Variants in PRELID2 observed in about 807,000 individuals in gnomAD.
PRELID2 encodes PRELI domain-containing protein 2.
A neutral mutation model predicts 28.4 loss-of-function variants in PRELID2; 25 were observed. The ratio of observed to expected loss-of-function variants is 0.88; its 90% CI spans 0.64 to 1.23. PRELID2 has a LOEUF of 1.23. PRELID2 is among the 50% of genes most tolerant of loss of function. The pLI, the probability that PRELID2 is intolerant of heterozygous loss-of-function variation, is 0.00. For synonymous variants in PRELID2, 76 were observed against 71.6 expected, an observed-to-expected ratio of 1.06 and a Z score of -0.31; for missense variants, 201 against 214.4, an observed-to-expected ratio of 0.94 and a Z score of 0.39.
At chr5:145,742,017 AG>A (rs1299958092) in intron 1 of PRELID2, among the ~76,000 whole-genome samples, 9 of 125,608 alleles carry the variant, frequency 7.2e-5, no homozygotes, top group East Asian at 2.3e-4. Flanking sequence ...ATTTATTATA[AG>A]TAAATAAATT....
At chr5:145,506,902 GCTCT>G (rs1383667577) in intron 1 of PRELID2, among the ~76,000 whole-genome samples, 3 of 152,066 alleles carry the variant, frequency 2.0e-5, no homozygotes, top group East Asian at 1.9e-4. Context: ...ACCCTCAATG[GCTCT>G]CTAATTCATT....
intron 1 of PRELID2, among the ~76,000 whole-genome samples, chr5:145,482,204 C>G (rs1752168194): frequency 6.6e-6 from 1 of 152,126 alleles, no homozygotes; most frequent in Non-Finnish European, 1.5e-5. Flanking sequence ...ATTTTGTGAG[C>G]CAGCAGGGAA....
At chr5:145,483,654 G>A (rs1346239460) in intron 1 of PRELID2, among the ~76,000 whole-genome samples, 2 of 152,086 alleles carry the variant, frequency 1.3e-5, no homozygotes, top group African/African-American at 2.4e-5. Context: ...ATAGAGCCAG[G>A]AACTAAATCA....
At chr5:145,800,396 T>C (rs2149824963) in intron 4 of PRELID2, among the ~76,000 whole-genome samples, 2 of 151,982 alleles carry the variant, frequency 1.3e-5, no homozygotes, top group East Asian at 3.9e-4. Context: ...ACCCCTTAGA[T>C]TTAAGCCTAT....
intron 1 of PRELID2, among the ~76,000 whole-genome samples, chr5:145,675,749 G>T (rs904149746): frequency 6.6e-6 from 1 of 152,130 alleles, no homozygotes; most frequent in Non-Finnish European, 1.5e-5. Context: ...AAAAAAATGT[G>T]ACAAATATGT....
intron 1 of PRELID2, among the ~76,000 whole-genome samples, chr5:145,533,533 T>C (rs1004091818): frequency 2.6e-5 from 4 of 152,076 alleles, no homozygotes; most frequent in Non-Finnish European, 4.4e-5. Context: ...CTTTGCTCAA[T>C]GTTTTGTGTG....
rs70998029 is a variant in PRELID2, at chr5:145,740,265, A to AAT, written n.70+24664_70+24665dup. On this transcript the variant is annotated intron_variant and non_coding_transcript_variant, in intron 1 of 2. Coordinates refer to the PRELID2 transcript ENST00000510259. ...TATATAATAATGACAGGATTTATCA[A>AAT]ATATATATATATATATATATATATA... is the stretch of plus-strand genomic sequence containing the variant. Among the ~76,000 whole-genome samples, 302 of 40,448 alleles carry AAT rather than the reference A, an allele frequency of 7.5e-3. 7 individuals carry two copies. Among genetic ancestry groups the AAT allele is most frequent in the Non-Finnish European group, 0.01 (212 of 20,698 alleles). The allele number at this position is 40,448 out of a possible 152,430, so 26.5% of individuals were successfully genotyped here.
At chr5:145,598,713 CACAG>C (rs1753346306) in intron 1 of PRELID2, among the ~76,000 whole-genome samples, 1 of 151,976 alleles carries the variant, frequency 6.6e-6, no homozygotes, top group African/African-American at 2.4e-5. Context: ...ATGAAGTAAG[CACAG>C]ACAATCTATG....
At chr5:145,542,884 T>C (rs1412480974) in intron 1 of PRELID2, among the ~76,000 whole-genome samples, 2 of 151,996 alleles carry the variant, frequency 1.3e-5, no homozygotes, top group Non-Finnish European at 1.5e-5. Flanking sequence ...TCTGTATTGG[T>C]GGTATGCATC....
chr5:145,331,884 G>A, the PRELID2 span, among the ~76,000 whole-genome samples: 1 of 152,078 alleles, frequency 6.6e-6, no homozygotes, highest in African/African-American at 2.4e-5. Flanking sequence ...TTACAATTTG[G>A]CATGTTTTTG....
chr5:145,289,387 C>A, the PRELID2 span, among the ~76,000 whole-genome samples: 3 of 152,238 alleles, frequency 2.0e-5, no homozygotes, highest in East Asian at 3.9e-4. Context: ...TGGAACCTAG[C>A]AATATGGACT....
the PRELID2 span, among the ~76,000 whole-genome samples, chr5:145,422,891 G>A: frequency 6.6e-6 from 1 of 151,922 alleles, no homozygotes; most frequent in African/African-American, 2.4e-5. Context: ...TCCTTTCCAT[G>A]TTTAGTGCTT....
At chr5:145,422,695 C>T in the PRELID2 span, among the ~76,000 whole-genome samples, 6 of 152,000 alleles carry the variant, frequency 3.9e-5, no homozygotes, top group Admixed American at 6.6e-5. Flanking sequence ...ATCCAATTTG[C>T]CAGTGTGTGT....
Position 145,733,307 on chromosome 5 carries a change from G to A in PRELID2, n.70+31624C>T, listed in dbSNP as rs569370932. 6.6e-5 allele frequency among the ~76,000 whole-genome samples: 10 copies of A among 152,124 alleles called. No homozygotes were observed. The South Asian group carries it at 1.7e-3, about 25-fold the overall frequency. On this transcript the variant is annotated intron_variant and non_coding_transcript_variant, in intron 1 of 2. Coordinates refer to the PRELID2 transcript ENST00000510259. ...TGAAATCCAAGACTCCACCTAACAC[G>A]TGAAGAATCACCAACATAAATCCAT...
chr5:145,419,870 C>T, the PRELID2 span, among the ~76,000 whole-genome samples: 5 of 152,024 alleles, frequency 3.3e-5, no homozygotes, highest in African/African-American at 9.7e-5. Flanking sequence ...TTAGGTCTAA[C>T]ATTTAACTCT....
the PRELID2 span, among the ~76,000 whole-genome samples, chr5:145,343,528 G>A: frequency 6.6e-6 from 1 of 151,178 alleles, no homozygotes; most frequent in Non-Finnish European, 1.5e-5. Flanking sequence ...TAGTACTGAG[G>A]GAAATTTATA....
chr5:145,412,140 T>A, the PRELID2 span, among the ~76,000 whole-genome samples: 1 of 152,314 alleles, frequency 6.6e-6, no homozygotes, highest in East Asian at 1.9e-4. Context: ...CCCATTGTCT[T>A]GGTGATTAAT....
intron 1 of PRELID2, among the ~76,000 whole-genome samples, chr5:145,563,328 A>G (rs1752939662): frequency 6.6e-6 from 1 of 152,248 alleles, no homozygotes; most frequent in Admixed American, 6.5e-5. Flanking sequence ...GAAATGGAGA[A>G]TCAGATTCCT....
chr5:145,565,420 G>A (rs1474490156), intron 1 of PRELID2, among the ~76,000 whole-genome samples: 4 of 152,198 alleles, frequency 2.6e-5, no homozygotes, highest in Non-Finnish European at 2.9e-5. Flanking sequence ...ACTTGAATAG[G>A]TAAATATTGT....
Sources: allele counts gnomAD v4.1 joint callset (sites outside exome capture counted in the v4.1 genomes callset), GRCh38; gene constraint gnomAD v4.1.1; transcripts MANE v1.5; gene names NCBI Gene and HGNC (gene_info 2026-07-23, HGNC 2026-07-21).